Variants in DENND3 observed in about 807,000 individuals in gnomAD.
DENND3 encodes the protein DENN domain containing 3.
A neutral mutation model predicts 135.1 loss-of-function variants in DENND3; 88 were observed. That is an observed-to-expected ratio of 0.65 (90% CI 0.55 to 0.78). The LOEUF (loss-of-function observed/expected upper bound fraction) is 0.78, where lower values mean the gene tolerates loss of function less well. DENND3 is among the 30% of genes least tolerant of loss of function. The probability of loss-of-function intolerance (pLI) is 0.00; values close to 1 mark genes in which losing one functional copy is unlikely to be tolerated. For missense variants in DENND3, 1,392 were observed against 1,688.4 expected, an observed-to-expected ratio of 0.82 and a Z score of 3.08; for synonymous variants, 693 against 712.3, an observed-to-expected ratio of 0.97 and a Z score of 0.43.
intron 13 of DENND3, among the ~76,000 whole-genome samples, chr8:141,169,151 G>A (rs1415475818): frequency 6.6e-6 from 1 of 152,226 alleles, no homozygotes; most frequent in Non-Finnish European, 1.5e-5. Flanking sequence ...GAGCCACCGC[G>A]CCTGACCCTA....
intron 1 of DENND3, among the ~76,000 whole-genome samples, chr8:141,133,734 C>T (rs931672401): frequency 6.6e-6 from 1 of 152,138 alleles, no homozygotes; most frequent in East Asian, 1.9e-4. Flanking sequence ...GCCCGAGGGG[C>T]TGGAGTACCA....
chr8:141,157,985 C>G lies in DENND3; in HGVS notation c.1196+2015C>G, dbSNP rs947660724. 3.6e-6 allele frequency: 4 copies of G among 1,096,116 alleles called. No homozygotes were observed. The East Asian group carries it at 3.3e-4, about 90-fold the overall frequency. 67.9% of individuals were successfully genotyped at this position (1,096,116 alleles called of 1,614,324 possible). ...ATGTTGGCCAGGCTGGTCTCGAACTCCTGACCTCAGGTGATCCACCTGCCT... is the reference window on the plus strand; with the variant it reads ...ATGTTGGCCAGGCTGGTCTCGAACTGCTGACCTCAGGTGATCCACCTGCCT... On this transcript the variant is annotated intron_variant, in intron 8 of 22. Transcript: ENST00000519811.
Position 141,189,130 on chromosome 8 carries a change from G to T in DENND3, c.3229G>T (p.Gly1077Ter). The change falls in exon 19 of 23, where the codon GGA becomes TGA. Residue 1077 changes from glycine to a stop codon, truncating the protein, a stop_gained. Coordinates refer to ENST00000519811, the MANE Select transcript of DENND3 (RefSeq NM_001352890.3). LOFTEE classifies it high-confidence loss of function. Reference sequence around the variant, plus strand: ...TGTCACGGATTTGATTGTGCAGGACGGACAGGAGGCACCCAGGTGCAGTAA... The same window carrying T: ...TGTCACGGATTTGATTGTGCAGGACTGACAGGAGGCACCCAGGTGCAGTAA... ...SSVTDLIVQD[G>*]QEAPSNVYSC... 3 of 1,614,208 alleles carry T rather than the reference G, an allele frequency of 1.9e-6. No individual in the cohort carries two copies. The highest frequency in any genetic ancestry group is 2.5e-6 in the Non-Finnish European group (3 of 1,180,018).
intron 1 of DENND3, among the ~76,000 whole-genome samples, chr8:141,132,460 C>T (rs1177979369): frequency 6.6e-6 from 1 of 152,032 alleles, no homozygotes; most frequent in African/African-American, 2.4e-5. Context: ...CAGGTTCAAG[C>T]GATTCTCCTG....
Position 141,170,292 on chromosome 8 carries a change from G to A in DENND3, c.2275+1767G>A, listed in dbSNP as rs954973944. 2.6e-5 allele frequency among the ~76,000 whole-genome samples: 4 copies of A among 152,186 alleles called. No individual in the cohort carries two copies. In the East Asian group the frequency reaches 5.8e-4, roughly 22 times the overall value. On this transcript the variant is annotated intron_variant, in intron 13 of 22. Transcript: ENST00000519811. Reference sequence around the variant, plus strand: ...TCTCTCTTCCGGCTGTGAAACAAGCGCTGCGGAATGCAGTTTCCTTGCTTA... The same window carrying A: ...TCTCTCTTCCGGCTGTGAAACAAGCACTGCGGAATGCAGTTTCCTTGCTTA...
chr8:141,170,536 T>C (rs936189647), intron 13 of DENND3, among the ~76,000 whole-genome samples: 1 of 152,164 alleles, frequency 6.6e-6, no homozygotes, highest in African/African-American at 2.4e-5. Flanking sequence ...TCAGAAGCCA[T>C]CAGATCGTGG....
rs139641564 is a variant in DENND3 at position 141,150,985 on chromosome 8, G to A, written c.855+32G>A. ...GGCCCCGCCCCGGCGAGCGCGTCTT[G>A]TGCTCCCTGCCTTAGTGGGGCATCA... On this transcript the variant is annotated intron_variant, in intron 6 of 22. Coordinates refer to ENST00000519811, the MANE Select transcript of DENND3 (RefSeq NM_001352890.3). 1.6e-4 allele frequency: 242 copies of A among 1,496,276 alleles called. 3 individuals carry two copies. In the African/African-American group the frequency reaches 3.0e-3, roughly 19 times the overall value. 92.7% of individuals were successfully genotyped at this position (1,496,276 alleles called of 1,614,324 possible). A position where few individuals can be genotyped will look rare whatever the true frequency, so the allele number is the denominator to read the frequency against.
At position 141,175,113 on chromosome 8, in the gene DENND3, G is replaced by A; in HGVS notation, c.2276-87G>A. ...ACCTGCTGCCGGGTTCCGGTAGTGT[G>A]CGGTTTCTTCAGGTCATGGAGAAGC... On this transcript the variant is annotated intron_variant, in intron 13 of 22. Transcript: ENST00000519811. The surrounding 1 kb of genome is among the most constrained non-coding windows in gnomAD (Gnocchi z 5.4). The A allele has an allele frequency of 6.8e-7, 1 of 1,474,476 alleles. No homozygotes were observed. The highest frequency in any genetic ancestry group is 9.1e-7 in the Non-Finnish European group (1 of 1,101,886). 91.3% of individuals were successfully genotyped at this position (1,474,476 alleles called of 1,614,324 possible).
intron 14 of DENND3, chr8:141,176,281 AC>A (rs11367480): frequency 0.35 from 76,000 of 219,162 alleles, 14,800 homozygotes; most frequent in African/African-American, 0.48. Flanking sequence ...AAAAACAAAA[AC>A]AAAACAAAAA....
At chr8:141,190,586 G>A (rs948135201) in intron 20 of DENND3, 169 bp downstream of exon 20, 4 of 1,070,136 alleles carry the variant, frequency 3.7e-6, no homozygotes, top group African/African-American at 1.6e-5. Flanking sequence ...CACCTGCACT[G>A]CTGCTCCTGG....
chr8:141,175,827 C>T lies in DENND3; in HGVS notation c.2535+368C>T. On this transcript the variant is annotated intron_variant, in intron 14 of 22. Transcript: ENST00000519811. This position sits in a 1 kb window ranked among gnomAD's most constrained non-coding sequence, Gnocchi z 5.4. ...TTACTGAGAAACTGCCATGTGCCAG[C>T]CACGGTGAGCTACAGTAGCTCACAT... The T allele has an allele frequency of 3.2e-6, 1 of 316,716 alleles. No individual in the cohort carries two copies. Among genetic ancestry groups the T allele is most frequent in the Non-Finnish European group, 6.1e-6 (1 of 162,880 alleles). 19.6% of individuals were successfully genotyped at this position (316,716 alleles called of 1,614,324 possible). A position where few individuals can be genotyped will look rare whatever the true frequency, so the allele number is the denominator to read the frequency against.
Position 141,128,645 on chromosome 8 carries a change from T to G in DENND3, c.-63T>G. 9.0e-7 allele frequency: 1 copy of G among 1,106,418 alleles called. No homozygotes were observed. The allele number at this position is 1,106,418 out of a possible 1,614,324, so 68.5% of individuals were successfully genotyped here. A position where few individuals can be genotyped will look rare whatever the true frequency, so the allele number is the denominator to read the frequency against. ...AGGCGGCGCGGCTGGTCCCCAGGGGTCTGCGGGCGACTGCGCGGCTGAGGC... is the reference window on the plus strand; with the variant it reads ...AGGCGGCGCGGCTGGTCCCCAGGGGGCTGCGGGCGACTGCGCGGCTGAGGC... On this transcript the variant is annotated 5_prime_UTR_variant, in exon 1 of 23. Transcript: ENST00000519811. This position sits in a 1 kb window ranked among gnomAD's most constrained non-coding sequence, Gnocchi z 4.5.
chr8:141,192,341 C>T lies in DENND3; in HGVS notation c.3390C>T (p.Asn1130=). The T allele has an allele frequency of 1.2e-6, 2 of 1,614,128 alleles. No homozygotes were observed. Among genetic ancestry groups the T allele is most frequent in the South Asian group, 1.1e-5 (1 of 91,082 alleles). ...TCCTTCCTTCCACAGGCACAGGTAACAGCATCATGGTCATGAAAATGAATG... is the reference window on the plus strand; with the variant it reads ...TCCTTCCTTCCACAGGCACAGGTAATAGCATCATGGTCATGAAAATGAATG... ...HGGRLWCCTG[N]SIMVMKMNGS... The change falls in exon 21 of 23, where the codon AAC becomes AAT. Residue 1130 remains asparagine, a synonymous_variant. Coordinates refer to ENST00000519811, the MANE Select transcript of DENND3 (RefSeq NM_001352890.3).
chr8:141,179,782 A>G (rs908164595), intron 16 of DENND3, among the ~76,000 whole-genome samples: 7 of 152,144 alleles, frequency 4.6e-5, no homozygotes, highest in Non-Finnish European at 8.8e-5. Context: ...CGGTTTCTTC[A>G]TCTTTCTTTT....
chr8:141,144,393 C>T lies in DENND3; in HGVS notation c.735+134C>T, dbSNP rs941480615. Reference sequence around the variant, plus strand: ...ACCTAAAATAACATCCTAACCCCCCCGCCTCCCCACAGCTGACTGACTGGA... The same window carrying T: ...ACCTAAAATAACATCCTAACCCCCCTGCCTCCCCACAGCTGACTGACTGGA... On this transcript the variant is annotated intron_variant, in intron 5 of 22. Coordinates refer to ENST00000519811, the MANE Select transcript of DENND3 (RefSeq NM_001352890.3). The surrounding 1 kb of genome is among the most constrained non-coding windows in gnomAD (Gnocchi z 4.4). 7 of 876,288 alleles carry T rather than the reference C, an allele frequency of 8.0e-6. No homozygotes were observed. The highest frequency in any genetic ancestry group is 3.8e-5 in the South Asian group (2 of 52,296). The allele number at this position is 876,288 out of a possible 1,614,324, so 54.3% of individuals were successfully genotyped here. A position where few individuals can be genotyped will look rare whatever the true frequency, so the allele number is the denominator to read the frequency against.
In DENND3 at chr8:141,130,646, G is replaced by GT. The variant is rs112503159; in HGVS notation, c.102+1843dup. Among the ~76,000 whole-genome samples, 28,215 of 151,040 alleles carry GT rather than the reference G, an allele frequency of 0.19. 2,965 individuals are homozygous for GT. The highest frequency in any genetic ancestry group is 0.29 in the South Asian group (1,378 of 4,780). ...AACATATGATTTTATTTATTTAGAT[G>GT]TTTTTTCGGCGGTTCTATTTTGAAT... On this transcript the variant is annotated intron_variant, in intron 1 of 22. Transcript: ENST00000519811. The surrounding 1 kb of genome is among the most constrained non-coding windows in gnomAD (Gnocchi z 4.2).
In DENND3 at chr8:141,192,578, G is replaced by T; in HGVS notation, c.3551G>T (p.Ser1184Ile). The T allele has an allele frequency of 1.3e-6, 2 of 1,580,842 alleles. No individual in the cohort carries two copies. The highest frequency in any genetic ancestry group is 1.7e-6 in the Non-Finnish European group (2 of 1,161,064). The change falls in exon 22 of 23, where the codon AGC (serine) becomes ATC (isoleucine). Residue 1184 changes from serine (S) to isoleucine (I), a missense_variant. Transcript: ENST00000519811. ...GGACGCAGCGAGGTTTACATCTGGA[G>T]CCTGAAGGACCTGGCCCAGCCCCCG... ...CAGRSEVYIW[S>I]LKDLAQPPQR...
Position 141,141,239 on chromosome 8 carries a change from G to C in DENND3, c.538G>C (p.Glu180Gln). The C allele has an allele frequency of 1.2e-6, 2 of 1,614,230 alleles. No homozygotes were observed. Among genetic ancestry groups the C allele is most frequent in the Non-Finnish European group, 1.7e-6 (2 of 1,180,032 alleles). The stretch of plus-strand genomic sequence containing the variant: ...TTTCTACAATGGCAAAACGCACCGG[G>C]AGTGTCCTGGCTGCTTCGTGCCCTT... ...YCFYNGKTHR[E>Q]CPGCFVPFAV... The change falls in exon 4 of 23, where the codon GAG becomes CAG. Residue 180 changes from glutamate (E) to glutamine (Q), a missense_variant. Physicochemically the swap from Glu to Gln is conservative, Grantham distance 29 (BLOSUM62 2). Coordinates refer to ENST00000519811, the MANE Select transcript of DENND3 (RefSeq NM_001352890.3). This position sits in a 1 kb window ranked among gnomAD's most constrained non-coding sequence, Gnocchi z 5.3.
intron 9 of DENND3, among the ~76,000 whole-genome samples, chr8:141,161,352 A>G (rs897093690): frequency 1.1e-4 from 17 of 152,218 alleles, no homozygotes; most frequent in South Asian, 2.1e-4. Context: ...TGTGCCTGTT[A>G]GCAAGTTTTC....
Sources: allele counts gnomAD v4.1 joint callset (sites outside exome capture counted in the v4.1 genomes callset), GRCh38; gene constraint gnomAD v4.1.1; non-coding constraint Gnocchi (gnomAD v3.1); transcripts MANE v1.5; gene names NCBI Gene and HGNC (gene_info 2026-07-23, HGNC 2026-07-21).